The following RYR3 variants were observed in gnomAD, a reference collection of about 807,000 sequenced individuals.
RYR3 encodes the protein ryanodine receptor 3, also known as brain ryanodine receptor-calcium release channel.
In RYR3, 207 loss-of-function variants were observed where a neutral mutation model predicts 584.3. The ratio of observed to expected loss-of-function variants is 0.35; its 90% CI spans 0.32 to 0.40. The LOEUF (loss-of-function observed/expected upper bound fraction) is 0.40, where lower values mean the gene tolerates loss of function less well. Ranked by LOEUF, RYR3 falls within the 10% of genes least tolerant of loss-of-function variation. The pLI is 1.00. For synonymous variants in RYR3, 2,416 were observed against 2,248.5 expected, an observed-to-expected ratio of 1.07 and a Z score of -2.11; for missense variants, 5,616 against 6,089.2, an observed-to-expected ratio of 0.92 and a Z score of 2.59.
At chr15:33,540,949 A>T in intron 7 of RYR3, 59 bp downstream of exon 7, 2 of 1,116,878 alleles carry the variant, frequency 1.8e-6, no homozygotes, top group Non-Finnish European at 2.7e-6. Context: ...AGCTGTATAC[A>T]TTGACATTTT....
intron 72 of RYR3, among the ~76,000 whole-genome samples, chr15:33,811,943 A>T (rs891990728): frequency 2.6e-5 from 4 of 152,178 alleles, no homozygotes; most frequent in African/African-American, 9.7e-5. Context: ...CCAACACACA[A>T]AGTCTTTCCT....
At position 33,535,389 on chromosome 15, in the gene RYR3, G is replaced by A. The variant is rs146929714; in HGVS notation, c.433+2000G>A. Among the ~76,000 whole-genome samples the A allele has an allele frequency of 3.5e-3, 536 of 152,254 alleles. 4 individuals carry two copies. In the Middle Eastern group the frequency reaches 0.037, roughly 11 times the overall value. ...TTGTACCAAGCAAAAAAGTGGCCCC[G>A]CCTTTGCCCATTATGGCTTTTTTCC... On this transcript the variant is annotated intron_variant, in intron 5 of 103. Transcript: ENST00000634891.
chr15:33,508,770 T>C (rs1340142644), intron 3 of RYR3, among the ~76,000 whole-genome samples: 1 of 152,218 alleles, frequency 6.6e-6, no homozygotes, highest in Non-Finnish European at 1.5e-5. Context: ...GTATTACTTG[T>C]GTGATTTGAT....
At chr15:33,859,842 G>A (rs185166710) in intron 100 of RYR3, 111 bp downstream of exon 100, 151 of 1,210,288 alleles carry the variant, frequency 1.2e-4, no homozygotes, top group Middle Eastern at 8.5e-4. Context: ...TCATTTACTT[G>A]TTAATTTAGC....
chr15:33,438,606 C>T (rs1004171369), intron 1 of RYR3, among the ~76,000 whole-genome samples: 3 of 152,196 alleles, frequency 2.0e-5, no homozygotes, highest in South Asian at 2.1e-4. Context: ...GTTACACACA[C>T]ATGTGCATCA....
chr15:33,664,394 T>G (rs2063352466), intron 36 of RYR3, among the ~76,000 whole-genome samples: 1 of 151,996 alleles, frequency 6.6e-6, no homozygotes. Flanking sequence ...GGGAGACACA[T>G]TCTGTAGAAT....
chr15:33,838,813 T>C lies in RYR3; in HGVS notation c.12833T>C (p.Met4278Thr), dbSNP rs201660041. The change falls in exon 89 of 104, where the codon ATG becomes ACG. Residue 4278 changes from methionine to threonine, a missense_variant. This residue lies in a region of RYR3 where 918 missense variants were observed against 887.4 expected (regional missense o/e 1.03). Transcript: ENST00000634891. The part of the protein sequence containing the change: ...IKGEKGDTDI[M>T]SDLFGLHPKK... Reference sequence around the variant, plus strand: ...GGGGAGAAGGGAGATACAGATATCATGTCAGACCTCTTTGGACTCCACCCA... The same window carrying C: ...GGGGAGAAGGGAGATACAGATATCACGTCAGACCTCTTTGGACTCCACCCA... The C allele has an allele frequency of 1.0e-4, 161 of 1,613,850 alleles. No individual in the cohort carries two copies. The Middle Eastern group carries it at 1.2e-3, about 12-fold the overall frequency.
intron 1 of RYR3, among the ~76,000 whole-genome samples, chr15:33,402,102 T>A (rs189329826): frequency 6.6e-6 from 1 of 152,142 alleles, no homozygotes; most frequent in East Asian, 1.9e-4. Context: ...TACAGGTTGA[T>A]TTGGGGGAAA....
At chr15:33,818,372 A>G (rs758260302) in intron 75 of RYR3, among the ~76,000 whole-genome samples, 3 of 152,220 alleles carry the variant, frequency 2.0e-5, no homozygotes, top group African/African-American at 4.8e-5. Context: ...AAAATAAAAA[A>G]TATACAAACA....
chr15:33,624,864 A>G (rs865814232), intron 20 of RYR3, among the ~76,000 whole-genome samples: 1 of 152,228 alleles, frequency 6.6e-6, no homozygotes, highest in African/African-American at 2.4e-5. Flanking sequence ...CATTTCCCCA[A>G]TATAGCTCTT....
chr15:33,648,786 C>T (rs1007006077), intron 30 of RYR3, among the ~76,000 whole-genome samples: 5 of 152,210 alleles, frequency 3.3e-5, no homozygotes, highest in African/African-American at 7.2e-5. Flanking sequence ...CACAGCATCT[C>T]CTGATTTCAG....
chr15:33,767,166 A>G (rs1050609938), intron 60 of RYR3, among the ~76,000 whole-genome samples: 2 of 152,220 alleles, frequency 1.3e-5, no homozygotes, highest in African/African-American at 4.8e-5. Flanking sequence ...CCCGAGTCCT[A>G]TGATGACTCT....
chr15:33,682,359 T>G (rs545690750), intron 38 of RYR3, among the ~76,000 whole-genome samples: 1 of 152,158 alleles, frequency 6.6e-6, no homozygotes, highest in African/African-American at 2.4e-5. Context: ...GAGTAGGTTT[T>G]TTTTTTTCCT....
chr15:33,424,496 G>A (rs188077792), intron 1 of RYR3, among the ~76,000 whole-genome samples: 1 of 152,298 alleles, frequency 6.6e-6, no homozygotes, highest in East Asian at 1.9e-4. Context: ...TTGCAGCGTA[G>A]GTCGCTAGCC....
chr15:33,664,246 A>G (rs1180993092), intron 36 of RYR3, among the ~76,000 whole-genome samples: 1 of 151,998 alleles, frequency 6.6e-6, no homozygotes, highest in Non-Finnish European at 1.5e-5. Flanking sequence ...GAGCCTGGAG[A>G]AGGGGACTCA....
chr15:33,826,564 C>G, intron 83 of RYR3, 108 bp from the exon 84 acceptor site: 1 of 1,069,974 alleles, frequency 9.3e-7, no homozygotes, highest in Non-Finnish European at 1.5e-6. Context: ...GTTCCTTTTC[C>G]AAACCATTCT....
chr15:33,749,651 T>TCCTG, intron 55 of RYR3, among the ~76,000 whole-genome samples: 1 of 152,114 alleles, frequency 6.6e-6, no homozygotes, highest in South Asian at 2.1e-4. Context: ...AGGTCAGGAG[T>TCCTG]ACAATACCAA....
At chr15:33,557,308 T>C (rs1318732439) in intron 10 of RYR3, among the ~76,000 whole-genome samples, 1 of 152,222 alleles carries the variant, frequency 6.6e-6, no homozygotes, top group Non-Finnish European at 1.5e-5. Context: ...TGATGGCATT[T>C]TCATTGTAAA....
At position 33,813,459 on chromosome 15, in the gene RYR3, C is replaced by A. The variant is rs2076653085; in HGVS notation, c.10390-8C>A. 1.2e-6 allele frequency: 2 copies of A among 1,611,684 alleles called. No individual in the cohort carries two copies. Among genetic ancestry groups the A allele is most frequent in the South Asian group, 1.1e-5 (1 of 91,012 alleles). On this transcript the variant is annotated splice_region_variant and splice_polypyrimidine_tract_variant and intron_variant, in intron 73 of 103. Transcript: ENST00000634891. Reference sequence around the variant, plus strand: ...TAATGTGCACCAACCGATGTGATCTCTTCTCAGGTGGAACAGCCTTTGAGG... The same window carrying A: ...TAATGTGCACCAACCGATGTGATCTATTCTCAGGTGGAACAGCCTTTGAGG...
Sources: allele counts gnomAD v4.1 joint callset (sites outside exome capture counted in the v4.1 genomes callset), GRCh38; gene constraint gnomAD v4.1.1; regional missense constraint gnomAD v4.1.1; transcripts MANE v1.5; gene names NCBI Gene and HGNC (gene_info 2026-07-23, HGNC 2026-07-21).